CCDC60: variants seen among roughly 807,000 people sequenced by gnomAD.
CCDC60 encodes the protein coiled-coil domain-containing protein 60.
Under a neutral mutation model 63.5 loss-of-function variants are expected in CCDC60, and 54 were observed. The ratio of observed to expected loss-of-function variants is 0.85; its 90% confidence interval spans 0.68 to 1.07. The LOEUF (loss-of-function observed/expected upper bound fraction) is 1.07, where lower values mean the gene tolerates loss of function less well. Among genes scored for constraint, CCDC60 ranks in the 50% least tolerant of loss-of-function variants. The pLI is 0.00. For synonymous variants in CCDC60, 206 were observed against 238.8 expected, an observed-to-expected ratio of 0.86 and a Z score of 1.27; for missense variants, 651 against 684.3, an observed-to-expected ratio of 0.95 and a Z score of 0.54.
intron 9 of CCDC60, among the ~76,000 whole-genome samples, chr12:119,522,247 C>T (rs1952550595): frequency 6.6e-6 from 1 of 152,158 alleles, no homozygotes; most frequent in Admixed American, 6.5e-5. Context: ...AGTCCCTAAA[C>T]AAGGATCCTG....
intron 1 of CCDC60, among the ~76,000 whole-genome samples, chr12:119,356,068 G>T (rs1002961301): frequency 1.3e-5 from 2 of 152,214 alleles, no homozygotes; most frequent in Admixed American, 6.5e-5. Flanking sequence ...ACAAATTAAT[G>T]CAACATCTTC....
chr12:119,466,305 G>A (rs1473295455), intron 2 of CCDC60, among the ~76,000 whole-genome samples: 1 of 152,160 alleles, frequency 6.6e-6, no homozygotes, highest in Non-Finnish European at 1.5e-5. Context: ...TGGAATACGA[G>A]CTTCATAAGG....
intron 1 of CCDC60, among the ~76,000 whole-genome samples, chr12:119,415,374 G>C (rs1423810480): frequency 4.6e-5 from 7 of 152,248 alleles, no homozygotes; most frequent in Non-Finnish European, 1.0e-4. Context: ...ACTTAAGGGA[G>C]GCTCACTGGC....
At chr12:119,413,420 T>A (rs925970385) in intron 1 of CCDC60, among the ~76,000 whole-genome samples, 3 of 152,192 alleles carry the variant, frequency 2.0e-5, no homozygotes, top group Non-Finnish European at 4.4e-5. Context: ...TCACTGACAG[T>A]CTTGCTCGGC....
chr12:119,428,360 G>GAGTAGGAGTGA (rs1956936603), intron 1 of CCDC60, among the ~76,000 whole-genome samples: 1 of 152,198 alleles, frequency 6.6e-6, no homozygotes, highest in Non-Finnish European at 1.5e-5. Context: ...CCTCAGAACA[G>GAGTAGGAGTGA]AGTAGGAGTG....
At chr12:119,515,279 A>G (rs1451663340) in intron 7 of CCDC60, among the ~76,000 whole-genome samples, 1 of 152,208 alleles carries the variant, frequency 6.6e-6, no homozygotes, top group Non-Finnish European at 1.5e-5. Flanking sequence ...AACCCATAAC[A>G]GTCAGGTATG....
At chr12:119,346,418 A>G (rs573714571) in intron 1 of CCDC60, among the ~76,000 whole-genome samples, 1 of 152,198 alleles carries the variant, frequency 6.6e-6, no homozygotes, top group Non-Finnish European at 1.5e-5. Context: ...CCAGAGAAGC[A>G]GGTGATGGAG....
intron 1 of CCDC60, among the ~76,000 whole-genome samples, chr12:119,336,898 A>C (rs1283923516): frequency 6.6e-6 from 1 of 152,172 alleles, no homozygotes; most frequent in Non-Finnish European, 1.5e-5. Context: ...CACAACTGTA[A>C]GTGTGCATTT....
intron 2 of CCDC60, among the ~76,000 whole-genome samples, chr12:119,462,580 T>C (rs907392479): frequency 6.6e-5 from 10 of 152,214 alleles, no homozygotes; most frequent in Admixed American, 1.3e-4. Context: ...CTTACCAACT[T>C]GTTAATTACT....
chr12:119,538,945 C>T (rs2136564313), intron 13 of CCDC60, among the ~76,000 whole-genome samples: 1 of 152,298 alleles, frequency 6.6e-6, no homozygotes, highest in East Asian at 1.9e-4. Context: ...TAACAGTCAG[C>T]CCCCTCTGCT....
intron 3 of CCDC60, among the ~76,000 whole-genome samples, chr12:119,476,156 A>C (rs1035932874): frequency 4.6e-5 from 7 of 152,202 alleles, no homozygotes; most frequent in African/African-American, 1.7e-4. Flanking sequence ...GGGAAAAAAA[A>C]ATCAAGCACA....
intron 1 of CCDC60, among the ~76,000 whole-genome samples, chr12:119,383,978 C>T (rs896545289): frequency 7.9e-5 from 12 of 151,968 alleles, no homozygotes; most frequent in East Asian, 5.8e-4. Context: ...GGGCGGATCA[C>T]GAGGTCAGGA....
chr12:119,523,103 T>G (rs1289369151), intron 10 of CCDC60, 102 bp downstream of exon 10: 2 of 1,050,154 alleles, frequency 1.9e-6, no homozygotes, highest in Non-Finnish European at 3.0e-6. Flanking sequence ...CAGACCAGAC[T>G]CCCTAAAGCC....
At chr12:119,436,541 C>CTTT (rs34712445) in intron 2 of CCDC60, among the ~76,000 whole-genome samples, 56,847 of 143,794 alleles carry the variant, frequency 0.4, 11,581 homozygotes, top group South Asian at 0.65. Context: ...GATGCCAATA[C>CTTT]TTTTTTTTTT....
chr12:119,371,075 G>A (rs548014947), intron 1 of CCDC60, among the ~76,000 whole-genome samples: 2 of 152,146 alleles, frequency 1.3e-5, no homozygotes, highest in African/African-American at 4.8e-5. Flanking sequence ...TAATCACCCT[G>A]GGCCCTGGAC....
chr12:119,506,956 C>G (rs1952023138), intron 7 of CCDC60, among the ~76,000 whole-genome samples: 1 of 152,074 alleles, frequency 6.6e-6, no homozygotes, highest in African/African-American at 2.4e-5. Flanking sequence ...GGAGGAGTGG[C>G]CTACCACAAA....
chr12:119,447,051 G>A (rs1024825851), intron 2 of CCDC60, among the ~76,000 whole-genome samples: 1 of 152,160 alleles, frequency 6.6e-6, no homozygotes, highest in Non-Finnish European at 1.5e-5. Context: ...AGGCAGTTAA[G>A]GGAATAGCTT....
intron 1 of CCDC60, among the ~76,000 whole-genome samples, chr12:119,367,530 G>C (rs1391389028): frequency 6.6e-6 from 1 of 152,184 alleles, no homozygotes; most frequent in Non-Finnish European, 1.5e-5. Flanking sequence ...TTGTGTGCCT[G>C]AGTTATGGAG....
chr12:119,505,736 G>A (rs491599), intron 7 of CCDC60, among the ~76,000 whole-genome samples: 17,671 of 152,110 alleles, frequency 0.12, 1,093 homozygotes, highest in African/African-American at 0.14. Flanking sequence ...CACATCTGTA[G>A]TCCAAGCTAC....
Sources: gnomAD v4.1 joint callset for allele counts (sites outside exome capture counted in the v4.1 genomes callset) on GRCh38, gnomAD v4.1.1 for gene constraint, MANE v1.5 for transcripts, NCBI Gene and HGNC (gene_info 2026-07-23, HGNC 2026-07-21) for gene names.